Variants in SCHIP1 observed in about 807,000 individuals in gnomAD.
SCHIP1 encodes schwannomin interacting protein 1.
In SCHIP1, 8 loss-of-function variants were observed where a neutral mutation model predicts 29.7. The ratio of observed to expected loss-of-function variants is 0.27; its 90% confidence interval spans 0.16 to 0.49. The LOEUF (loss-of-function observed/expected upper bound fraction) is 0.49, where lower values mean the gene tolerates loss of function less well. SCHIP1 is among the 20% of genes least tolerant of loss of function. The pLI, the probability that SCHIP1 is intolerant of heterozygous loss-of-function variation, is 0.99. For missense variants in SCHIP1, 193 were observed against 294.6 expected, an observed-to-expected ratio of 0.66 and a Z score of 2.52; for synonymous variants, 76 against 94.9, an observed-to-expected ratio of 0.80 and a Z score of 1.16.
the SCHIP1 span, among the ~76,000 whole-genome samples, chr3:159,601,381 A>G: frequency 6.6e-6 from 1 of 152,100 alleles, no homozygotes; most frequent in Non-Finnish European, 1.5e-5. Context: ...CACCACACAG[A>G]AGGGGAGAGA....
chr3:159,671,492 T>C, the SCHIP1 span, among the ~76,000 whole-genome samples: 1 of 152,190 alleles, frequency 6.6e-6, no homozygotes, highest in East Asian at 1.9e-4. Context: ...TTCAAATCAT[T>C]GTATCTCATA....
the SCHIP1 span, among the ~76,000 whole-genome samples, chr3:159,684,601 C>T: frequency 1.3e-5 from 2 of 151,740 alleles, no homozygotes; most frequent in Non-Finnish European, 1.5e-5. Flanking sequence ...GTCAGGAGAT[C>T]GAGACCATCC....
the SCHIP1 span, among the ~76,000 whole-genome samples, chr3:159,489,305 G>C: frequency 6.6e-6 from 1 of 152,158 alleles, no homozygotes; most frequent in Non-Finnish European, 1.5e-5. Flanking sequence ...CACTAAGCCA[G>C]AAACATTTAT....
At chr3:159,874,145 C>T (rs551525004) in intron 2 of SCHIP1, among the ~76,000 whole-genome samples, 16 of 152,226 alleles carry the variant, frequency 1.1e-4, no homozygotes, top group Non-Finnish European at 1.5e-4. Context: ...AGAGTAACCA[C>T]GAAATAAATT....
At chr3:159,501,461 A>T in the SCHIP1 span, among the ~76,000 whole-genome samples, 1 of 152,198 alleles carries the variant, frequency 6.6e-6, no homozygotes, top group Non-Finnish European at 1.5e-5. Flanking sequence ...AGACTTGCCT[A>T]ATTACCACTT....
chr3:159,390,966 C>A, the SCHIP1 span, among the ~76,000 whole-genome samples: 1 of 152,132 alleles, frequency 6.6e-6, no homozygotes, highest in Admixed American at 6.6e-5. Context: ...GTTAATCACC[C>A]TATAAAATGC....
rs1464747644 is a variant in SCHIP1 at position 159,896,698 on chromosome 3, A to C, written c.684-25A>C. ...GTTTGGATCTCTCTACATGATGCTA[A>C]ATAATTGTATTAATTGTTTTACAGA... On this transcript the variant is annotated intron_variant, in intron 6 of 6. Transcript: ENST00000445224. 1.3e-6 allele frequency: 2 copies of C among 1,586,444 alleles called. 1 individual carries two copies. The highest frequency in any genetic ancestry group is 2.3e-5 in the South Asian group (2 of 85,382).
At chr3:159,588,343 T>C in the SCHIP1 span, among the ~76,000 whole-genome samples, 4 of 152,126 alleles carry the variant, frequency 2.6e-5, no homozygotes, top group African/African-American at 9.7e-5. Context: ...TTTATTTGAG[T>C]TCTTTGTAGA....
the SCHIP1 span, among the ~76,000 whole-genome samples, chr3:159,810,933 G>A: frequency 0.19 from 29,505 of 152,156 alleles, 3,208 homozygotes; most frequent in South Asian, 0.33. Flanking sequence ...GGCAATGTAT[G>A]AGGCTTACGG....
At chr3:159,632,378 A>G in the SCHIP1 span, among the ~76,000 whole-genome samples, 1 of 152,184 alleles carries the variant, frequency 6.6e-6, no homozygotes, top group East Asian at 1.9e-4. Context: ...AGAGTCAGAT[A>G]ACAACTTTCC....
the SCHIP1 span, among the ~76,000 whole-genome samples, chr3:159,299,375 G>A: frequency 6.6e-6 from 1 of 152,188 alleles, no homozygotes; most frequent in East Asian, 1.9e-4. Context: ...TACAGGTGCT[G>A]GTTTGAGTAA....
At chr3:159,442,822 G>T in the SCHIP1 span, among the ~76,000 whole-genome samples, 402 of 152,156 alleles carry the variant, frequency 2.6e-3, 2 homozygotes, top group Middle Eastern at 0.014. Flanking sequence ...CTCACAGGGT[G>T]GTAAGAACAG....
chr3:159,398,644 T>C, the SCHIP1 span, among the ~76,000 whole-genome samples: 2 of 151,974 alleles, frequency 1.3e-5, no homozygotes, highest in African/African-American at 4.8e-5. Context: ...TGCAGAAAAG[T>C]GAAAGGACTT....
the SCHIP1 span, among the ~76,000 whole-genome samples, chr3:159,531,774 T>C: frequency 6.6e-6 from 1 of 152,218 alleles, no homozygotes; most frequent in Non-Finnish European, 1.5e-5. Flanking sequence ...AACCAAACGT[T>C]AGATAAGTTA....
At chr3:159,877,834 T>C (rs1350734818) in intron 2 of SCHIP1, among the ~76,000 whole-genome samples, 4 of 152,242 alleles carry the variant, frequency 2.6e-5, no homozygotes, top group African/African-American at 7.2e-5. Flanking sequence ...ATAGGCAGCC[T>C]GGCTTTAAAA....
At chr3:159,715,015 C>A in the SCHIP1 span, among the ~76,000 whole-genome samples, 3 of 152,340 alleles carry the variant, frequency 2.0e-5, 1 homozygote, top group South Asian at 6.2e-4. Context: ...ACTGACACCT[C>A]ATAGGGCTGG....
chr3:159,367,418 C>T, the SCHIP1 span, among the ~76,000 whole-genome samples: 1 of 151,562 alleles, frequency 6.6e-6, no homozygotes, highest in Non-Finnish European at 1.5e-5. Flanking sequence ...AAAAAAGTCT[C>T]CAGGAAAAAT....
At chr3:159,399,699 T>C in the SCHIP1 span, among the ~76,000 whole-genome samples, 3 of 152,046 alleles carry the variant, frequency 2.0e-5, no homozygotes, top group Non-Finnish European at 4.4e-5. Flanking sequence ...ATATTAGAGA[T>C]AGGGTCTTGC....
At chr3:159,581,584 T>G in the SCHIP1 span, among the ~76,000 whole-genome samples, 2 of 151,910 alleles carry the variant, frequency 1.3e-5, no homozygotes, top group African/African-American at 4.8e-5. Flanking sequence ...CCCCATGATA[T>G]CAGAGGACAC....
Sources: gnomAD v4.1 joint callset for allele counts (sites outside exome capture counted in the v4.1 genomes callset) on GRCh38, gnomAD v4.1.1 for gene constraint, MANE v1.5 for transcripts, NCBI Gene and HGNC (gene_info 2026-07-23, HGNC 2026-07-21) for gene names.